The following GRIP1 variants were observed in gnomAD, a reference collection of about 807,000 sequenced individuals.
GRIP1 encodes glutamate receptor interacting protein 1.
GRIP1 carries 45 observed loss-of-function variants against 129.9 expected under a neutral mutation model. The observed-to-expected ratio is 0.35, with a 90% confidence interval of 0.27 to 0.44. GRIP1 has a LOEUF of 0.44. GRIP1 is among the 20% of genes least tolerant of loss of function. GRIP1 has a pLI of 1.00. For synonymous variants in GRIP1, 530 were observed against 520.8 expected, an observed-to-expected ratio of 1.02 and a Z score of -0.24; for missense variants, 1,196 against 1,396.8, an observed-to-expected ratio of 0.86 and a Z score of 2.29.
At chr12:67,045,677 T>A (rs944201566) in intron 1 of GRIP1, among the ~76,000 whole-genome samples, 1 of 152,178 alleles carries the variant, frequency 6.6e-6, no homozygotes, top group Non-Finnish European at 1.5e-5. Flanking sequence ...CTTACAGTTG[T>A]AGCTACCTTA....
At chr12:66,637,481 T>C (rs113599143) in intron 1 of GRIP1, among the ~76,000 whole-genome samples, 12 of 152,156 alleles carry the variant, frequency 7.9e-5, no homozygotes, top group African/African-American at 2.2e-4. Flanking sequence ...AATAAAAATA[T>C]GCAAACCCAA....
chr12:66,528,642 A>G (rs974116324), intron 5 of GRIP1, among the ~76,000 whole-genome samples: 3 of 152,212 alleles, frequency 2.0e-5, no homozygotes, highest in African/African-American at 4.8e-5. Flanking sequence ...ATTAAATCAA[A>G]TCAAGCATAC....
At chr12:66,644,090 C>A (rs1414904378) in intron 1 of GRIP1, among the ~76,000 whole-genome samples, 1 of 151,976 alleles carries the variant, frequency 6.6e-6, no homozygotes, top group East Asian at 1.9e-4. Context: ...AAGCAGAAAC[C>A]CCTGATAAAC....
intron 2 of GRIP1, chr12:66,571,007 C>G (rs1447631588): frequency 6.6e-6 from 1 of 152,196 alleles, no homozygotes; most frequent in African/African-American, 2.4e-5. Context: ...ACTTAAAACT[C>G]TAACTTCAGT....
chr12:66,401,437 G>A (rs188721188), intron 16 of GRIP1, among the ~76,000 whole-genome samples: 1 of 151,668 alleles, frequency 6.6e-6, no homozygotes, highest in Non-Finnish European at 1.5e-5. Flanking sequence ...AAATTAGCTG[G>A]GCATGGTGGT....
At chr12:66,351,694 T>C (rs1253982291) in intron 24 of GRIP1, among the ~76,000 whole-genome samples, 1 of 151,912 alleles carries the variant, frequency 6.6e-6, no homozygotes, top group Admixed American at 6.6e-5. Context: ...CTGTTCGATA[T>C]AGGAGGGGCC....
At position 67,051,363 on chromosome 12, in the gene GRIP1, T is replaced by C. The variant is rs552647883; in HGVS notation, c.58+17687A>G. Among the ~76,000 whole-genome samples the C allele has an allele frequency of 1.4e-3, 208 of 152,178 alleles. 1 individual carries two copies. In the South Asian group the frequency reaches 0.018, roughly 13 times the overall value. Reference sequence around the variant, plus strand: ...AGATTTTTTTTAATGTCCACTATGATAGAAGAAGTTTTACATGAAGACTTG... The same window carrying C: ...AGATTTTTTTTAATGTCCACTATGACAGAAGAAGTTTTACATGAAGACTTG... On this transcript the variant is annotated intron_variant, in intron 1 of 1. Transcript: ENST00000643019.
At chr12:66,643,794 GCTCAAGCAGTCCTCCTGC>G (rs1466095825) in intron 1 of GRIP1, among the ~76,000 whole-genome samples, 1 of 152,044 alleles carries the variant, frequency 6.6e-6, no homozygotes, top group East Asian at 1.9e-4. Context: ...GAACTCCTGG[GCTCAAGCAGTCCTCCTGC>G]CTCATCCTTC....
At chr12:66,722,514 TATA>T (rs2036089141) in intron 1 of GRIP1, among the ~76,000 whole-genome samples, 1 of 152,084 alleles carries the variant, frequency 6.6e-6, no homozygotes, top group African/African-American at 2.4e-5. Context: ...CCATAACAGA[TATA>T]ATAATAAAGT....
chr12:66,977,442 G>A (rs879321005), intron 1 of GRIP1, among the ~76,000 whole-genome samples: 29 of 151,960 alleles, frequency 1.9e-4, no homozygotes, highest in Non-Finnish European at 3.8e-4. Flanking sequence ...TTACAGAAAA[G>A]TGTACAAATG....
At chr12:66,506,436 A>G (rs2060529162) in intron 7 of GRIP1, among the ~76,000 whole-genome samples, 1 of 152,202 alleles carries the variant, frequency 6.6e-6, no homozygotes, top group African/African-American at 2.4e-5. Flanking sequence ...CCCAGCTACC[A>G]AAGAAATACA....
chr12:66,966,808 C>T (rs1239777949), intron 1 of GRIP1, among the ~76,000 whole-genome samples: 1 of 152,150 alleles, frequency 6.6e-6, no homozygotes, highest in Non-Finnish European at 1.5e-5. Flanking sequence ...CTTATCACTG[C>T]TGATGTCTTG....
upstream of GRIP1, among the ~76,000 whole-genome samples, chr12:66,804,909 C>A (rs2038958193): frequency 6.6e-6 from 1 of 152,138 alleles, no homozygotes; most frequent in Admixed American, 6.5e-5. Flanking sequence ...TTAATTGGAG[C>A]AGCAGGGAGA....
chr12:66,485,403 AAT>A (rs536988532), intron 7 of GRIP1, among the ~76,000 whole-genome samples: 2 of 150,886 alleles, frequency 1.3e-5, no homozygotes, highest in Non-Finnish European at 1.5e-5. Flanking sequence ...GTGAAAATTA[AAT>A]ATATATATAT....
intron 1 of GRIP1, among the ~76,000 whole-genome samples, chr12:66,934,639 T>C (rs144273535): frequency 4.6e-5 from 7 of 152,322 alleles, no homozygotes; most frequent in Middle Eastern, 3.4e-3. Context: ...AAGTGAAAAA[T>C]ACTTGTGAAA....
At position 66,566,105 on chromosome 12, in the gene GRIP1, C is replaced by G. The variant is rs143844332; in HGVS notation, c.137-24155G>C. 2.9e-3 allele frequency among the ~76,000 whole-genome samples: 438 copies of G among 152,272 alleles called. 2 individuals are homozygous for G. The highest frequency in any genetic ancestry group is 5.0e-3 in the Non-Finnish European group (337 of 68,028). Reference sequence around the variant, plus strand: ...GACTTCCTCTTTTCCTAACTGAATACCCTTTATTTATTTCTCCTGCCTAAT... The same window carrying G: ...GACTTCCTCTTTTCCTAACTGAATAGCCTTTATTTATTTCTCCTGCCTAAT... On this transcript the variant is annotated intron_variant, in intron 2 of 24. Coordinates refer to ENST00000359742, the MANE Select transcript of GRIP1 (RefSeq NM_001366722.1).
intron 1 of GRIP1, among the ~76,000 whole-genome samples, chr12:66,731,641 G>C (rs766950231): frequency 5.3e-5 from 8 of 152,056 alleles, no homozygotes; most frequent in Non-Finnish European, 1.2e-4. Flanking sequence ...CAAATACTAT[G>C]GTAGACAAGA....
intron 1 of GRIP1, among the ~76,000 whole-genome samples, chr12:66,842,627 A>G (rs1432599403): frequency 6.6e-6 from 1 of 152,202 alleles, no homozygotes; most frequent in Admixed American, 6.5e-5. Context: ...GAAACTAGAA[A>G]AGTCATAACA....
At chr12:67,065,443 T>TA (rs1486517017) in intron 1 of GRIP1, among the ~76,000 whole-genome samples, 2 of 152,174 alleles carry the variant, frequency 1.3e-5, no homozygotes, top group Non-Finnish European at 2.9e-5. Flanking sequence ...TGAAGTGCTA[T>TA]AAAAAATGCA....
Sources: allele counts gnomAD v4.1 joint callset (sites outside exome capture counted in the v4.1 genomes callset), GRCh38; gene constraint gnomAD v4.1.1; transcripts MANE v1.5; gene names NCBI Gene and HGNC (gene_info 2026-07-23, HGNC 2026-07-21).